Variants in PTPRA observed in about 807,000 individuals in gnomAD.
PTPRA encodes the protein protein tyrosine phosphatase receptor type A, also known as receptor-type tyrosine-protein phosphatase alpha.
Under a neutral mutation model 104.8 loss-of-function variants are expected in PTPRA, and 25 were observed. That is an observed-to-expected ratio of 0.24 (90% confidence interval 0.17 to 0.33). The LOEUF (loss-of-function observed/expected upper bound fraction) is 0.33, where lower values mean the gene tolerates loss of function less well. PTPRA is among the 10% of genes least tolerant of loss of function. The pLI is 1.00. For synonymous variants in PTPRA, 323 were observed against 368.9 expected (o/e 0.88, Z 1.43); for missense variants, 765 against 1,015.3 (o/e 0.75, Z 3.35).
At chr20:2,914,550 A>G (rs552901332) in intron 1 of PTPRA, among the ~76,000 whole-genome samples, 2 of 149,284 alleles carry the variant, frequency 1.3e-5, no homozygotes, top group African/African-American at 4.9e-5. Flanking sequence ...TCCTTTTTGT[A>G]TTTGTAACTC....
In PTPRA at chr20:2,941,026, GT is replaced by G. The variant is rs71195805; in HGVS notation, c.-49-6948del. Among the ~76,000 whole-genome samples, 9 of 151,024 alleles carry G rather than the reference GT, an allele frequency of 6.0e-5. No homozygotes were observed. In the East Asian group the frequency reaches 1.8e-3, roughly 29 times the overall value. The stretch of plus-strand genomic sequence containing the variant: ...CTTTTCTTCTGGTTTTTTTTTGGGG[GT>G]TTTTTTTGTTTCTTTGGTTTTTTGA... On this transcript the variant is annotated intron_variant, in intron 2 of 23. Coordinates refer to ENST00000399903, the MANE Select transcript of PTPRA (RefSeq NM_001385305.1).
intron 1 of PTPRA, among the ~76,000 whole-genome samples, chr20:2,915,944 A>G (rs2059888418): frequency 6.6e-6 from 1 of 152,264 alleles, no homozygotes; most frequent in Admixed American, 6.5e-5. Flanking sequence ...ACTGCACTCC[A>G]GCCTGGGCCA....
intron 1 of PTPRA, among the ~76,000 whole-genome samples, chr20:2,894,908 AC>A (rs1159713023): frequency 6.8e-6 from 1 of 147,934 alleles, no homozygotes; most frequent in African/African-American, 2.5e-5. Flanking sequence ...AATGGGGTGA[AC>A]CCGGGAGGCG....
Position 2,964,308 on chromosome 20 carries a change from G to A in PTPRA, c.31G>A (p.Gly11Ser), listed in dbSNP as rs2061867045. 1.1e-5 allele frequency: 18 copies of A among 1,610,226 alleles called. No individual in the cohort carries two copies. The highest frequency in any genetic ancestry group is 2.2e-5 in the East Asian group (1 of 44,722). The change falls in exon 4 of 24, where the codon GGC (glycine) becomes AGC (serine). Residue 11 changes from glycine (G) to serine (S), a missense_variant. Coordinates refer to ENST00000399903, the MANE Select transcript of PTPRA (RefSeq NM_001385305.1). ...TTCCTGGTTCATTCTTGTTCTGCTC[G>A]GCAGTGGTCTGATATGTGTCAGTGC... MDSWFILVLL[G>S]SGLICVSANN...
At chr20:2,926,769 C>CTTTTCCT (rs2060311865) in intron 2 of PTPRA, among the ~76,000 whole-genome samples, 1 of 85,020 alleles carries the variant, frequency 1.2e-5, no homozygotes, top group Non-Finnish European at 2.1e-5. Context: ...TTTCCTTTTC[C>CTTTTCCT]TTTTTTTTTT....
chr20:2,954,925 T>G (rs1020183244), intron 3 of PTPRA, among the ~76,000 whole-genome samples: 1 of 152,204 alleles, frequency 6.6e-6, no homozygotes, highest in Non-Finnish European at 1.5e-5. Context: ...ATATACAGTT[T>G]TCTGAGTACC....
rs372269057 is a variant in PTPRA, at chr20:3,035,750, C to T, written c.2046+40C>T. Reference sequence around the variant, plus strand: ...GGGTGGACTCTGCCCACAGGAAAAGCAGGGTTACCCCTGCCTCCCTGATCC... The same window carrying T: ...GGGTGGACTCTGCCCACAGGAAAAGTAGGGTTACCCCTGCCTCCCTGATCC... On this transcript the variant is annotated intron_variant, in intron 21 of 23. Coordinates refer to ENST00000399903, the MANE Select transcript of PTPRA (RefSeq NM_001385305.1). The surrounding 1 kb of genome is among the most constrained non-coding windows in gnomAD (Gnocchi z 5.8). The T allele has an allele frequency of 4.3e-6, 7 of 1,614,028 alleles. No individual in the cohort carries two copies. The African/African-American group carries it at 9.3e-5, about 22-fold the overall frequency.
chr20:2,956,838 G>C (rs2061554641), intron 3 of PTPRA, among the ~76,000 whole-genome samples: 2 of 152,134 alleles, frequency 1.3e-5, no homozygotes, highest in Admixed American at 6.5e-5. Context: ...TGTATCCGTG[G>C]AATAAGTTTC....
At chr20:2,949,734 A>G (rs1568665801) in intron 3 of PTPRA, among the ~76,000 whole-genome samples, 3 of 151,734 alleles carry the variant, frequency 2.0e-5, no homozygotes, top group South Asian at 4.1e-4. Flanking sequence ...TTTTTTTTAA[A>G]TAGTAACTTT....
At chr20:2,989,740 G>A (rs1318660086) in intron 9 of PTPRA, among the ~76,000 whole-genome samples, 2 of 152,104 alleles carry the variant, frequency 1.3e-5, no homozygotes, top group South Asian at 2.1e-4. Context: ...TGACTCAGCT[G>A]GGCACGGTGG....
At chr20:2,909,931 TATA>T (rs1235898670) in intron 1 of PTPRA, among the ~76,000 whole-genome samples, 30 of 126,308 alleles carry the variant, frequency 2.4e-4, no homozygotes, top group Admixed American at 1.4e-3. Flanking sequence ...TATTGTTATA[TATA>T]ATATGTGTAA....
intron 2 of PTPRA, among the ~76,000 whole-genome samples, chr20:2,930,493 G>A (rs1329137168): frequency 6.6e-6 from 1 of 152,160 alleles, no homozygotes; most frequent in Non-Finnish European, 1.5e-5. Context: ...AAACTCGGTG[G>A]CTAAAGACAG....
At chr20:2,949,055 T>G (rs2061260879) in intron 3 of PTPRA, among the ~76,000 whole-genome samples, 1 of 152,200 alleles carries the variant, frequency 6.6e-6, no homozygotes, top group Admixed American at 6.5e-5. Flanking sequence ...CTTTAAGATG[T>G]CAGATTTCAG....
intron 3 of PTPRA, among the ~76,000 whole-genome samples, chr20:2,951,971 A>G (rs1488147413): frequency 2.0e-5 from 3 of 152,100 alleles, no homozygotes; most frequent in Non-Finnish European, 4.4e-5. Context: ...AAGTAGAAAA[A>G]TTAGCTGGGC....
intron 3 of PTPRA, among the ~76,000 whole-genome samples, chr20:2,963,206 A>C (rs922264276): frequency 1.3e-5 from 2 of 152,188 alleles, no homozygotes; most frequent in African/African-American, 4.8e-5. Flanking sequence ...TCACTCTGAA[A>C]ACTGTAAAGC....
At chr20:3,008,993 G>C (rs2064020191) in intron 11 of PTPRA, among the ~76,000 whole-genome samples, 1 of 152,108 alleles carries the variant, frequency 6.6e-6, no homozygotes, top group South Asian at 2.1e-4. Context: ...CACTGATGGA[G>C]AGATTAGTGT....
chr20:3,022,873 C>T lies in PTPRA; in HGVS notation c.1464+49C>T, dbSNP rs368554972. 8.2e-5 allele frequency: 132 copies of T among 1,610,994 alleles called. No homozygotes were observed. In the East Asian group the frequency reaches 2.8e-3, roughly 34 times the overall value. ...AGGGTGGGGGGTTCCAGGACTAAAA[C>T]ATCTGCCCACATTGAGGATTCACTC... On this transcript the variant is annotated intron_variant, in intron 16 of 23. Coordinates refer to ENST00000399903, the MANE Select transcript of PTPRA (RefSeq NM_001385305.1). The surrounding 1 kb of genome is among the most constrained non-coding windows in gnomAD (Gnocchi z 4.6).
chr20:3,032,582 A>C (rs55771814), intron 20 of PTPRA, among the ~76,000 whole-genome samples: 1 of 151,658 alleles, frequency 6.6e-6, no homozygotes, highest in Non-Finnish European at 1.5e-5. Flanking sequence ...CCTGGCCAAC[A>C]TGGCAAAACC....
chr20:3,022,973 C>T lies in PTPRA; in HGVS notation c.1464+149C>T, dbSNP rs561117165. The T allele has an allele frequency of 2.9e-5, 38 of 1,326,902 alleles. No individual in the cohort carries two copies. In the East Asian group the frequency reaches 4.8e-4, roughly 17 times the overall value. 82.2% of individuals were successfully genotyped at this position (1,326,902 alleles called of 1,614,324 possible). Reference sequence around the variant, plus strand: ...AAAGAAAGATAGATCACACTGTTACCGTGTCTATGTAGAAAAAGGAAGACA... The same window carrying T: ...AAAGAAAGATAGATCACACTGTTACTGTGTCTATGTAGAAAAAGGAAGACA... On this transcript the variant is annotated intron_variant, in intron 16 of 23. Transcript: ENST00000399903. This position sits in a 1 kb window ranked among gnomAD's most constrained non-coding sequence, Gnocchi z 4.6.
Sources: allele counts gnomAD v4.1 joint callset (sites outside exome capture counted in the v4.1 genomes callset), GRCh38; gene constraint gnomAD v4.1.1; non-coding constraint Gnocchi (gnomAD v3.1); transcripts MANE v1.5; gene names NCBI Gene and HGNC (gene_info 2026-07-23, HGNC 2026-07-21).